Variants in SFMBT1 observed in about 807,000 individuals in gnomAD.
SFMBT1 encodes the protein Scm like with four mbt domains 1.
A neutral mutation model predicts 108.7 loss-of-function variants in SFMBT1; 32 were observed. The observed-to-expected ratio is 0.29, with a 90% confidence interval of 0.22 to 0.40. SFMBT1 has a LOEUF of 0.40. SFMBT1 is among the 10% of genes least tolerant of loss of function. The probability of loss-of-function intolerance (pLI) is 1.00; values close to 1 mark genes in which losing one functional copy is unlikely to be tolerated. For missense variants in SFMBT1, 816 were observed against 1,059.6 expected, an observed-to-expected ratio of 0.77 and a Z score of 3.19; for synonymous variants, 348 against 369.5, an observed-to-expected ratio of 0.94 and a Z score of 0.67.
At chr3:53,022,499 A>AAAAC in intron 1 of SFMBT1, among the ~76,000 whole-genome samples, 1 of 151,834 alleles carries the variant, frequency 6.6e-6, no homozygotes, top group South Asian at 2.1e-4. Context: ...GTTTCTATAA[A>AAAAC]AAACAAACAA....
Position 52,995,587 on chromosome 3 carries a change from G to A in SFMBT1, c.-130-26329C>T, listed in dbSNP as rs549978002. 8.7e-4 allele frequency among the ~76,000 whole-genome samples: 130 copies of A among 149,740 alleles called. 2 individuals carry two copies. Among genetic ancestry groups the A allele is most frequent in the African/African-American group, 2.9e-3 (119 of 41,328 alleles). On this transcript the variant is annotated intron_variant, in intron 1 of 20. Coordinates refer to ENST00000394752, the MANE Select transcript of SFMBT1 (RefSeq NM_016329.4). ...GTTTATGTTTTGTAGAGAAGTGGTC[G>A]AAGTGGTCTCACTATGCTGCCAGGC...
chr3:52,979,408 G>A (rs896490632), intron 1 of SFMBT1, among the ~76,000 whole-genome samples: 1 of 152,200 alleles, frequency 6.6e-6, no homozygotes, highest in Non-Finnish European at 1.5e-5. Flanking sequence ...TCTCCACCAT[G>A]TGATTATTCA....
intron 1 of SFMBT1, among the ~76,000 whole-genome samples, chr3:52,999,041 A>C (rs2564920): frequency 0.31 from 45,978 of 150,316 alleles, 9,769 homozygotes; most frequent in East Asian, 0.51. Context: ...ACCCCTTGTC[A>C]TCCATGCGTA....
At chr3:52,910,365 C>T (rs988568920) in intron 17 of SFMBT1, among the ~76,000 whole-genome samples, 1 of 152,108 alleles carries the variant, frequency 6.6e-6, no homozygotes, top group African/African-American at 2.4e-5. Flanking sequence ...CTATTAGATA[C>T]AATAACTAAT....
chr3:52,920,437 C>A, intron 12 of SFMBT1, 100 bp downstream of exon 12: 1 of 819,758 alleles, frequency 1.2e-6, no homozygotes, highest in South Asian at 1.6e-5. Context: ...ACCAGAATGT[C>A]ATTTTTTTTC....
chr3:52,962,032 A>G (rs1383608912), intron 2 of SFMBT1, among the ~76,000 whole-genome samples: 2 of 152,234 alleles, frequency 1.3e-5, no homozygotes, highest in African/African-American at 4.8e-5. Flanking sequence ...AATATATGAA[A>G]ATGTGCAAAT....
chr3:52,953,661 G>A (rs1004003836), intron 3 of SFMBT1, among the ~76,000 whole-genome samples: 2 of 152,112 alleles, frequency 1.3e-5, no homozygotes, highest in Non-Finnish European at 2.9e-5. Flanking sequence ...AGCAAATAAT[G>A]CTATTGAAAT....
chr3:52,950,888 A>G lies in SFMBT1; in HGVS notation c.123+3429T>C, dbSNP rs58706141. On this transcript the variant is annotated intron_variant, in intron 3 of 20. Transcript: ENST00000394752. Reference sequence around the variant, plus strand: ...CAGCATTTTGGGAGGCCAAGGCAGGAGGTTCCCTTGAGGCAAGGAGTTCAA... The same window carrying G: ...CAGCATTTTGGGAGGCCAAGGCAGGGGGTTCCCTTGAGGCAAGGAGTTCAA... 4.8e-3 allele frequency among the ~76,000 whole-genome samples: 733 copies of G among 152,102 alleles called. 8 individuals carry two copies. Among genetic ancestry groups the G allele is most frequent in the African/African-American group, 0.017 (687 of 41,516 alleles).
intron 1 of SFMBT1, among the ~76,000 whole-genome samples, chr3:52,970,788 T>C (rs1704314184): frequency 6.6e-6 from 1 of 152,202 alleles, no homozygotes; most frequent in East Asian, 1.9e-4. Context: ...AATACATCCT[T>C]ATACCACTTT....
intron 9 of SFMBT1, among the ~76,000 whole-genome samples, chr3:52,926,575 T>C (rs1446177857): frequency 6.6e-6 from 1 of 152,266 alleles, no homozygotes; most frequent in Non-Finnish European, 1.5e-5. Context: ...AGCTGTTTCC[T>C]GAAATGTGTC....
At chr3:52,954,527 A>G in intron 2 of SFMBT1, 116 bp from the exon 3 acceptor site, 1 of 808,632 alleles carries the variant, frequency 1.2e-6, no homozygotes, top group Non-Finnish European at 2.0e-6. Flanking sequence ...CTGATTTTGC[A>G]CAAAAGAATT....
intron 1 of SFMBT1, among the ~76,000 whole-genome samples, chr3:53,039,713 C>A (rs1180264306): frequency 1.3e-5 from 2 of 152,182 alleles, no homozygotes; most frequent in Non-Finnish European, 2.9e-5. Flanking sequence ...CAGCTCACTG[C>A]AACCCCCACC....
At chr3:52,996,579 A>C (rs1245965400) in intron 1 of SFMBT1, among the ~76,000 whole-genome samples, 1 of 150,244 alleles carries the variant, frequency 6.7e-6, no homozygotes, top group Non-Finnish European at 1.5e-5. Flanking sequence ...ATGAATGGCA[A>C]GCACATGAAA....
intron 2 of SFMBT1, among the ~76,000 whole-genome samples, chr3:52,965,944 T>C: frequency 7.8e-6 from 1 of 127,544 alleles, no homozygotes. Flanking sequence ...AGGCGGAGCT[T>C]GCAGTGAGCC....
chr3:53,030,216 T>A lies in SFMBT1; in HGVS notation c.-131+15600A>T, dbSNP rs1183043252. On this transcript the variant is annotated intron_variant, in intron 1 of 20. Transcript: ENST00000394752. Reference sequence around the variant, plus strand: ...TTGGATATATCCAAGATATTTTCAGTGAAAAGAGCGAAGTGCAAAACAATG... The same window carrying A: ...TTGGATATATCCAAGATATTTTCAGAGAAAAGAGCGAAGTGCAAAACAATG... Among the ~76,000 whole-genome samples the A allele has an allele frequency of 3.3e-5, 5 of 152,234 alleles. No individual in the cohort carries two copies. In the East Asian group the frequency reaches 7.7e-4, roughly 24 times the overall value.
intron 1 of SFMBT1, among the ~76,000 whole-genome samples, chr3:53,040,820 T>C (rs1175759061): frequency 6.6e-6 from 1 of 151,098 alleles, no homozygotes; most frequent in African/African-American, 2.4e-5. Context: ...TGTTTTTATT[T>C]ATTTTTTTGA....
chr3:53,026,020 G>A (rs1478219429), intron 1 of SFMBT1, among the ~76,000 whole-genome samples: 2 of 152,222 alleles, frequency 1.3e-5, no homozygotes, highest in Non-Finnish European at 2.9e-5. Flanking sequence ...GTTAAGTGAT[G>A]TAAGCACATT....
At chr3:52,928,647 TATATATACAC>T (rs1702756945) in intron 8 of SFMBT1, among the ~76,000 whole-genome samples, 2 of 108,038 alleles carry the variant, frequency 1.9e-5, no homozygotes, top group African/African-American at 6.8e-5. Flanking sequence ...CATATATATA[TATATATACAC>T]ATATATACAT....
chr3:52,952,566 A>G (rs73087033), intron 3 of SFMBT1, among the ~76,000 whole-genome samples: 2,268 of 152,250 alleles, frequency 0.015, 30 homozygotes, highest in Non-Finnish European at 0.023. Flanking sequence ...ACTGCTCACA[A>G]TTCTGGAGGC....
Sources: allele counts gnomAD v4.1 joint callset (sites outside exome capture counted in the v4.1 genomes callset), GRCh38; gene constraint gnomAD v4.1.1; transcripts MANE v1.5; gene names NCBI Gene and HGNC (gene_info 2026-07-23, HGNC 2026-07-21).